The following NAV2 variants were observed in gnomAD, a reference collection of about 807,000 sequenced individuals.
The protein encoded by NAV2 is helicase, APC down-regulated 1.
In NAV2, 54 loss-of-function variants were observed where a neutral mutation model predicts 223.2. The observed-to-expected ratio is 0.24, with a 90% confidence interval of 0.19 to 0.30. The LOEUF (loss-of-function observed/expected upper bound fraction) is 0.30, where lower values mean the gene tolerates loss of function less well. NAV2 is among the 10% of genes least tolerant of loss of function. The pLI, the probability that NAV2 is intolerant of heterozygous loss-of-function variation, is 1.00. For missense variants in NAV2, 2,806 were observed against 3,147.5 expected (o/e 0.89, Z 2.60); for synonymous variants, 1,279 against 1,239.3 (o/e 1.03, Z -0.67).
intron 1 of NAV2, among the ~76,000 whole-genome samples, chr11:19,412,674 C>T (rs191498864): frequency 8.1e-4 from 124 of 152,328 alleles, no homozygotes; most frequent in African/African-American, 2.8e-3. Context: ...TACAAGAGAG[C>T]ACCAGCTGGC....
chr11:19,538,599 C>T (rs1011742961), intron 1 of NAV2, among the ~76,000 whole-genome samples: 1 of 152,118 alleles, frequency 6.6e-6, no homozygotes, highest in East Asian at 1.9e-4. Context: ...AGCAATCCTC[C>T]CACCTCAGGC....
intron 1 of NAV2, among the ~76,000 whole-genome samples, chr11:19,545,672 G>A (rs542128008): frequency 2.0e-4 from 30 of 152,292 alleles, no homozygotes; most frequent in African/African-American, 6.7e-4. Flanking sequence ...CTCCTAAGAC[G>A]AGCTTGTCCA....
intron 10 of NAV2, among the ~76,000 whole-genome samples, chr11:19,956,582 A>C (rs1410228069): frequency 6.6e-6 from 1 of 152,130 alleles, no homozygotes; most frequent in African/African-American, 2.4e-5. Flanking sequence ...GTGTGTTATA[A>C]AGCATATGGT....
intron 1 of NAV2, among the ~76,000 whole-genome samples, chr11:19,441,280 A>G (rs1851391108): frequency 6.6e-6 from 1 of 152,182 alleles, no homozygotes; most frequent in Non-Finnish European, 1.5e-5. Flanking sequence ...ATTCCCCTAC[A>G]AGGTCTCTCA....
intron 27 of NAV2, 53 bp downstream of exon 27, chr11:20,091,071 C>A: frequency 6.3e-7 from 1 of 1,587,512 alleles, no homozygotes; most frequent in Non-Finnish European, 8.6e-7. Flanking sequence ...AAGGAGCTCC[C>A]AGAGGCTGCT....
chr11:19,936,697 T>C (rs376660109), intron 7 of NAV2, among the ~76,000 whole-genome samples: 48 of 152,330 alleles, frequency 3.2e-4, no homozygotes, highest in African/African-American at 1.1e-3. Flanking sequence ...GGAACAGGTA[T>C]TGATCGAGTG....
At chr11:19,408,163 T>G (rs1206992800) in intron 1 of NAV2, among the ~76,000 whole-genome samples, 4 of 152,228 alleles carry the variant, frequency 2.6e-5, no homozygotes, top group Non-Finnish European at 5.9e-5. Context: ...TGCAGACACC[T>G]GCACGTGGGG....
At chr11:19,662,575 A>G (rs112445907) in intron 1 of NAV2, among the ~76,000 whole-genome samples, 2 of 152,312 alleles carry the variant, frequency 1.3e-5, no homozygotes, top group African/African-American at 4.8e-5. Context: ...TAACCACCAC[A>G]TGTCAGGCAG....
chr11:19,658,696 G>T (rs751866095), intron 1 of NAV2, among the ~76,000 whole-genome samples: 2 of 152,134 alleles, frequency 1.3e-5, no homozygotes, highest in Non-Finnish European at 2.9e-5. Flanking sequence ...AGAACTAATT[G>T]CTTGTGTCTC....
chr11:19,988,351 T>G (rs1218733950), intron 11 of NAV2, among the ~76,000 whole-genome samples: 1 of 152,226 alleles, frequency 6.6e-6, no homozygotes, highest in Non-Finnish European at 1.5e-5. Context: ...GGTAACTTTC[T>G]TCTAAGCCGT....
chr11:19,934,818 G>A (rs879943993), intron 7 of NAV2, among the ~76,000 whole-genome samples: 2 of 4,142 alleles, frequency 4.8e-4, no homozygotes, highest in African/African-American at 5.8e-4. Flanking sequence ...TAATGGTAGG[G>A]GAGGGGCTGG....
intron 1 of NAV2, among the ~76,000 whole-genome samples, chr11:19,533,321 C>G (rs992152546): frequency 6.6e-6 from 1 of 151,952 alleles, no homozygotes; most frequent in African/African-American, 2.4e-5. Context: ...ATGCCATTAG[C>G]GACAACTCCC....
intron 8 of NAV2, among the ~76,000 whole-genome samples, chr11:19,940,288 T>C (rs2046302556): frequency 6.6e-6 from 1 of 152,204 alleles, no homozygotes; most frequent in African/African-American, 2.4e-5. Flanking sequence ...AAATGTAATG[T>C]AGACAATGAT....
intron 1 of NAV2, among the ~76,000 whole-genome samples, chr11:19,448,232 G>A (rs12285999): frequency 0.32 from 49,106 of 151,466 alleles, 8,604 homozygotes; most frequent in Middle Eastern, 0.41. Context: ...GGGAGGTGGC[G>A]GTCCCTGCCT....
At chr11:19,949,881 T>G (rs2047242693) in intron 10 of NAV2, among the ~76,000 whole-genome samples, 3 of 152,190 alleles carry the variant, frequency 2.0e-5, no homozygotes, top group Admixed American at 2.0e-4. Flanking sequence ...AATCAGTGAA[T>G]GAATGAACAA....
rs190563703 is a variant in NAV2 at position 20,008,008 on chromosome 11, A to G, written c.2768+23761A>G. Among the ~76,000 whole-genome samples, 25 of 152,344 alleles carry G rather than the reference A, an allele frequency of 1.6e-4. 1 individual carries two copies. The East Asian group carries it at 4.8e-3, about 29-fold the overall frequency. ...ATCTTGTGAGACTGGTCATTGAGAG[A>G]GCCTTGTTTTATAGAGCAAAGTTGC... On this transcript the variant is annotated intron_variant, in intron 11 of 37. Coordinates refer to ENST00000349880, the MANE Select transcript of NAV2 (RefSeq NM_145117.5).
chr11:19,689,908 GC>G (rs1321186291), intron 1 of NAV2, among the ~76,000 whole-genome samples: 1 of 152,194 alleles, frequency 6.6e-6, no homozygotes, highest in Non-Finnish European at 1.5e-5. Context: ...TCAAACAAAT[GC>G]TGCAGAAAGA....
In NAV2 at chr11:19,425,514, T is replaced by G. The variant is rs559278616; in HGVS notation, c.75+74487T>G. The stretch of plus-strand genomic sequence containing the variant: ...TCTTACATGCGTGGGAACTGAGACC[T>G]AGAGAATTAGAGGGGCATGTAGCCA... On this transcript the variant is annotated intron_variant, in intron 1 of 37. Coordinates refer to the NAV2 transcript ENST00000360655. 3.3e-5 allele frequency among the ~76,000 whole-genome samples: 5 copies of G among 152,356 alleles called. No homozygotes were observed. In the South Asian group the frequency reaches 8.3e-4, roughly 25 times the overall value.
chr11:20,061,930 A>G (rs1019505051), intron 19 of NAV2, among the ~76,000 whole-genome samples: 3 of 152,222 alleles, frequency 2.0e-5, no homozygotes, highest in Non-Finnish European at 4.4e-5. Context: ...AGTGAAGCGA[A>G]ATATGCTGGA....
Sources: gnomAD v4.1 joint callset for allele counts (sites outside exome capture counted in the v4.1 genomes callset) on GRCh38, gnomAD v4.1.1 for gene constraint, MANE v1.5 for transcripts, NCBI Gene and HGNC (gene_info 2026-07-23, HGNC 2026-07-21) for gene names.